OSBPL8: variants seen among roughly 807,000 people sequenced by gnomAD.
The protein encoded by OSBPL8 is oxysterol binding protein like 8, also known as oxysterol-binding protein-related protein 8.
A neutral mutation model predicts 125.5 loss-of-function variants in OSBPL8; 59 were observed. The observed-to-expected ratio is 0.47, with a 90% CI of 0.38 to 0.58. The LOEUF is 0.58. Ranked by LOEUF, OSBPL8 falls within the 20% of genes least tolerant of loss-of-function variation. The pLI is 0.00. For missense variants in OSBPL8, 758 were observed against 1,047.8 expected, an observed-to-expected ratio of 0.72 and a Z score of 3.82; for synonymous variants, 330 against 338.9, an observed-to-expected ratio of 0.97 and a Z score of 0.29.
At chr12:76,434,394 A>G (rs146878020) in intron 4 of OSBPL8, among the ~76,000 whole-genome samples, 18 of 152,320 alleles carry the variant, frequency 1.2e-4, no homozygotes, top group African/African-American at 4.1e-4. Context: ...CTCAAACCAT[A>G]AAACTACCAG....
At chr12:76,465,261 G>A (rs1357643941) in intron 2 of OSBPL8, among the ~76,000 whole-genome samples, 1 of 152,088 alleles carries the variant, frequency 6.6e-6, no homozygotes, top group Non-Finnish European at 1.5e-5. Context: ...CATACAAAAT[G>A]TTCAAAAAGC....
At chr12:76,410,658 AG>A (rs1178229228) in intron 4 of OSBPL8, 24 bp from the exon 5 acceptor site, 1 of 1,467,402 alleles carries the variant, frequency 6.8e-7, no homozygotes, top group Admixed American at 1.7e-5. Flanking sequence ...TCAGCATATC[AG>A]TATTACTACT....
At chr12:76,453,345 T>G (rs1873645478) in intron 3 of OSBPL8, among the ~76,000 whole-genome samples, 1 of 152,210 alleles carries the variant, frequency 6.6e-6, no homozygotes, top group African/African-American at 2.4e-5. Context: ...AATCCAAGAT[T>G]CATTTGATTC....
chr12:76,506,254 A>T (rs1880406004), intron 1 of OSBPL8, among the ~76,000 whole-genome samples: 1 of 152,226 alleles, frequency 6.6e-6, no homozygotes, highest in African/African-American at 2.4e-5. Context: ...GATGGATATC[A>T]GGAGCTCCTT....
At position 76,487,543 on chromosome 12, in the gene OSBPL8, T is replaced by C; in HGVS notation, c.9A>G (p.Gly3=). The change falls in exon 2 of 24, where the codon GGA becomes GGG. Residue 3 remains glycine (G), a synonymous_variant. Transcript: ENST00000261183. ...GATCAGGTTCTCCATCTGCCAAACC[T>C]CCCTCCATAATGAAAGAAGATAGGT... is the stretch of plus-strand genomic sequence containing the variant. ME[G]GLADGEPDRT... 6.2e-7 allele frequency: 1 copy of C among 1,604,514 alleles called. No individual in the cohort carries two copies.
intron 1 of OSBPL8, among the ~76,000 whole-genome samples, chr12:76,550,339 T>C (rs1262270408): frequency 6.6e-6 from 1 of 152,222 alleles, no homozygotes; most frequent in Admixed American, 6.5e-5. Context: ...AGAAAAGGAA[T>C]AATCATCTAA....
At chr12:76,381,494 A>C (rs1319871270) in intron 15 of OSBPL8, among the ~76,000 whole-genome samples, 3 of 152,150 alleles carry the variant, frequency 2.0e-5, no homozygotes, top group South Asian at 2.1e-4. Flanking sequence ...TCAAATTTCT[A>C]TCTCTTTTAA....
At chr12:76,386,681 C>G (rs1394848990) in intron 12 of OSBPL8, 21 bp from the exon 13 acceptor site, 6 of 1,550,686 alleles carry the variant, frequency 3.9e-6, no homozygotes, top group African/African-American at 1.4e-5. Flanking sequence ...AAACGGTAAA[C>G]AAAAATTTTA....
chr12:76,489,190 A>T (rs1367099890), intron 1 of OSBPL8, among the ~76,000 whole-genome samples: 1 of 152,224 alleles, frequency 6.6e-6, no homozygotes, highest in Non-Finnish European at 1.5e-5. Flanking sequence ...CCATCTCTAT[A>T]ACATCAAAAT....
At chr12:76,426,717 T>C (rs1187378341) in intron 4 of OSBPL8, among the ~76,000 whole-genome samples, 1 of 152,212 alleles carries the variant, frequency 6.6e-6, no homozygotes, top group Admixed American at 6.6e-5. Flanking sequence ...TCACAGTACA[T>C]ATACATGTAA....
At chr12:76,530,801 AG>A (rs1284849443) in intron 1 of OSBPL8, among the ~76,000 whole-genome samples, 1 of 152,194 alleles carries the variant, frequency 6.6e-6, no homozygotes, top group Non-Finnish European at 1.5e-5. Context: ...GACTCTTTAT[AG>A]TATAATAAAG....
intron 4 of OSBPL8, among the ~76,000 whole-genome samples, chr12:76,442,978 T>G (rs1872362307): frequency 1.3e-5 from 2 of 152,184 alleles, no homozygotes; most frequent in Non-Finnish European, 2.9e-5. Context: ...TATCATATTT[T>G]TAGTGCTGCT....
Position 76,351,944 on chromosome 12 carries a change from G to A in OSBPL8, c.*3945C>T, listed in dbSNP as rs1359843361. The stretch of plus-strand genomic sequence containing the variant: ...GAAATGTACTACATTACAAAACAGT[G>A]GCCTATAACTATCTGTACATTTACT... On this transcript the variant is annotated 3_prime_UTR_variant, in exon 24 of 24. Coordinates refer to ENST00000261183, the MANE Select transcript of OSBPL8 (RefSeq NM_020841.5). The A allele has an allele frequency of 2.0e-5, 3 of 152,108 alleles. No individual in the cohort carries two copies. The highest frequency in any genetic ancestry group is 4.4e-5 in the Non-Finnish European group (3 of 68,010). The allele number at this position is 152,108 out of a possible 1,614,324, so 9.4% of individuals were successfully genotyped here.
intron 4 of OSBPL8, among the ~76,000 whole-genome samples, chr12:76,418,460 T>A (rs996055080): frequency 1.3e-5 from 2 of 152,188 alleles, no homozygotes; most frequent in Non-Finnish European, 2.9e-5. Flanking sequence ...AACCAGGTAG[T>A]CTTGCTCCAT....
chr12:76,462,964 G>C (rs1481714687), intron 2 of OSBPL8, among the ~76,000 whole-genome samples: 1 of 152,164 alleles, frequency 6.6e-6, no homozygotes, highest in African/African-American at 2.4e-5. Context: ...CAGATGTCAG[G>C]TTGTATAGGA....
chr12:76,497,648 T>C (rs1435762757), intron 1 of OSBPL8, among the ~76,000 whole-genome samples: 1 of 152,244 alleles, frequency 6.6e-6, no homozygotes, highest in East Asian at 1.9e-4. Context: ...GTGGTTTTTA[T>C]ACTTCTGTCC....
chr12:76,471,448 C>T (rs1876123463), intron 2 of OSBPL8, among the ~76,000 whole-genome samples: 1 of 152,150 alleles, frequency 6.6e-6, no homozygotes, highest in African/African-American at 2.4e-5. Flanking sequence ...TATTCTCCTC[C>T]ACTCCTAATA....
chr12:76,379,032 C>T lies in OSBPL8; in HGVS notation c.1631-482G>A, dbSNP rs149732765. The stretch of plus-strand genomic sequence containing the variant: ...GATCTGCCCACCTTGGGTGATCTGC[C>T]CACCTCGGCCTCCCAAAGTGCTGGG... On this transcript the variant is annotated intron_variant, in intron 15 of 23. Transcript: ENST00000261183. 8.6e-3 allele frequency among the ~76,000 whole-genome samples: 1,311 copies of T among 152,220 alleles called. 25 individuals are homozygous for T. The highest frequency in any genetic ancestry group is 0.03 in the African/African-American group (1,256 of 41,528).
rs185895882 is a variant in OSBPL8 at position 76,421,638 on chromosome 12, T to C, written c.218-11004A>G. Among the ~76,000 whole-genome samples, 8 of 152,174 alleles carry C rather than the reference T, an allele frequency of 5.3e-5. No homozygotes were observed. The East Asian group carries it at 1.5e-3, about 29-fold the overall frequency. Reference sequence around the variant, plus strand: ...AAATCTAAGTGTCAGAAAAAATATATAAATACAAGTATCAGTTTCAGTCAA... The same window carrying C: ...AAATCTAAGTGTCAGAAAAAATATACAAATACAAGTATCAGTTTCAGTCAA... On this transcript the variant is annotated intron_variant, in intron 4 of 23. Transcript: ENST00000261183.
Sources: gnomAD v4.1 joint callset for allele counts (sites outside exome capture counted in the v4.1 genomes callset) on GRCh38, gnomAD v4.1.1 for gene constraint, MANE v1.5 for transcripts, NCBI Gene and HGNC (gene_info 2026-07-23, HGNC 2026-07-21) for gene names.